The following GLDC variants were observed in gnomAD, a reference collection of about 807,000 sequenced individuals.
GLDC encodes glycine decarboxylase, also known as glycine dehydrogenase (decarboxylating), mitochondrial.
A neutral mutation model predicts 121.3 loss-of-function variants in GLDC; 104 were observed. The observed-to-expected ratio is 0.86, with a 90% CI of 0.73 to 1.01. The LOEUF (loss-of-function observed/expected upper bound fraction) is 1.01, where lower values mean the gene tolerates loss of function less well. Among genes scored for constraint, GLDC ranks in the 50% least tolerant of loss-of-function variants. GLDC has a pLI of 0.00. For synonymous variants in GLDC, 546 were observed against 480.6 expected, an observed-to-expected ratio of 1.14 and a Z score of -1.78; for missense variants, 1,429 against 1,306.6, an observed-to-expected ratio of 1.09 and a Z score of -1.44.
chr9:6,559,699 C>T (rs1221264121), intron 16 of GLDC, among the ~76,000 whole-genome samples: 1 of 151,428 alleles, frequency 6.6e-6, no homozygotes, highest in Non-Finnish European at 1.5e-5. Flanking sequence ...CCTGTAGTCC[C>T]AGCTACTCAG....
chr9:6,613,028 G>A (rs1397715242), intron 3 of GLDC, among the ~76,000 whole-genome samples: 1 of 152,090 alleles, frequency 6.6e-6, no homozygotes, highest in Admixed American at 6.5e-5. Flanking sequence ...AAAACAAGTA[G>A]ATGAACCAAA....
chr9:6,607,953 T>C (rs112425258), intron 4 of GLDC, among the ~76,000 whole-genome samples: 6 of 151,718 alleles, frequency 4.0e-5, no homozygotes, highest in African/African-American at 1.5e-4. Flanking sequence ...CAAAACCCTA[T>C]CTCTACAAAA....
At chr9:6,554,817 G>A in intron 18 of GLDC, 36 bp from the exon 19 acceptor site, 1 of 1,498,094 alleles carries the variant, frequency 6.7e-7, no homozygotes, top group Non-Finnish European at 9.2e-7. Flanking sequence ...CAAAAGTCAA[G>A]AGCTTGGAAG....
chr9:6,617,861 T>C (rs10123810), intron 3 of GLDC, among the ~76,000 whole-genome samples: 32,060 of 152,224 alleles, frequency 0.21, 3,750 homozygotes, highest in East Asian at 0.43. Flanking sequence ...TACTTGGGTA[T>C]TTCAAAAGCT....
At chr9:6,629,476 G>C (rs910785125) in intron 2 of GLDC, among the ~76,000 whole-genome samples, 3 of 151,952 alleles carry the variant, frequency 2.0e-5, no homozygotes, top group African/African-American at 7.3e-5. Context: ...CGGCCCCCAA[G>C]TAGCTGTTAA....
At chr9:6,538,246 A>G (rs1817178106) in intron 22 of GLDC, among the ~76,000 whole-genome samples, 1 of 152,164 alleles carries the variant, frequency 6.6e-6, no homozygotes, top group Non-Finnish European at 1.5e-5. Context: ...TTCTTGCAAA[A>G]GAAATTCCTG....
chr9:6,626,051 A>G (rs1413706337), intron 2 of GLDC, among the ~76,000 whole-genome samples: 1 of 151,690 alleles, frequency 6.6e-6, no homozygotes, highest in East Asian at 2.0e-4. Context: ...TTCAGCAAAA[A>G]TCTATGCTCT....
intron 20 of GLDC, among the ~76,000 whole-genome samples, chr9:6,551,384 T>C (rs751624629): frequency 2.0e-5 from 3 of 152,214 alleles, no homozygotes; most frequent in Non-Finnish European, 2.9e-5. Context: ...GTTTAAAAAC[T>C]GCTCAATCTT....
At position 6,567,684 on chromosome 9, in the gene GLDC, G is replaced by T. The variant is rs12003910; in HGVS notation, c.1851-2255C>A. Among the ~76,000 whole-genome samples the T allele has an allele frequency of 1.2e-3, 177 of 152,256 alleles. 3 individuals carry two copies. Among genetic ancestry groups the T allele is most frequent in the African/African-American group, 3.9e-3 (162 of 41,542 alleles). ...AAAAATATTTGATAGATTGATTAAA[G>T]AAATAATCCTCTACCTCCTCCAAAT... is the stretch of plus-strand genomic sequence containing the variant. On this transcript the variant is annotated intron_variant, in intron 15 of 24. Transcript: ENST00000321612.
chr9:6,631,049 CTG>C (rs1819365197), intron 2 of GLDC, among the ~76,000 whole-genome samples: 1 of 152,216 alleles, frequency 6.6e-6, no homozygotes, highest in African/African-American at 2.4e-5. Flanking sequence ...ACAGAGGAAA[CTG>C]AACCTAAAAC....
chr9:6,537,093 C>CA (rs1817143983), intron 22 of GLDC, among the ~76,000 whole-genome samples: 1 of 150,182 alleles, frequency 6.7e-6, no homozygotes, highest in African/African-American at 2.5e-5. Flanking sequence ...TGCACTGGCA[C>CA]ACTCACGGCT....
intron 7 of GLDC, among the ~76,000 whole-genome samples, chr9:6,604,195 G>A (rs1282911196): frequency 6.6e-6 from 1 of 152,098 alleles, no homozygotes; most frequent in South Asian, 2.1e-4. Flanking sequence ...GAAGGAACGC[G>A]GAGCAAACTC....
At chr9:6,634,408 A>C (rs1015675839) in intron 2 of GLDC, among the ~76,000 whole-genome samples, 7 of 152,026 alleles carry the variant, frequency 4.6e-5, no homozygotes, top group Non-Finnish European at 8.8e-5. Context: ...TCACGCCAGC[A>C]GTCCCAGCTA....
intron 23 of GLDC, among the ~76,000 whole-genome samples, chr9:6,535,336 G>A (rs942689907): frequency 1.3e-5 from 2 of 151,038 alleles, no homozygotes; most frequent in Admixed American, 6.7e-5. Context: ...AGTAATAAAC[G>A]GTGGTAAGCA....
Position 6,604,776 on chromosome 9 carries a change from G to A in GLDC, c.870C>T (p.Ala290=), listed in dbSNP as rs143159617. 88 of 1,613,584 alleles carry A rather than the reference G, an allele frequency of 5.5e-5. No individual in the cohort carries two copies. Among genetic ancestry groups the A allele is most frequent in the Non-Finnish European group, 6.8e-5 (80 of 1,179,582 alleles). Reference sequence around the variant, plus strand: ...AAGCTAAAAGGTCAGTAGCACAGCAGGCCAGGCTCTAGAAAGGAAGTGAGA... The same window carrying A: ...AAGCTAAAAGGTCAGTAGCACAGCAAGCCAGGCTCTAGAAAGGAAGTGAGA... ...VERAHQSGSL[A]CCATDLLALC... The change falls in exon 7 of 25, where the codon GCC becomes GCT. Residue 290 remains alanine (A), a synonymous_variant. Transcript: ENST00000321612.
chr9:6,543,893 G>C (rs546573253), intron 21 of GLDC, among the ~76,000 whole-genome samples: 13 of 142,188 alleles, frequency 9.1e-5, no homozygotes, highest in Non-Finnish European at 1.4e-4. Flanking sequence ...GAGGACAGGA[G>C]GGGGGGGGAT....
At chr9:6,608,012 G>T (rs1479596218) in intron 4 of GLDC, among the ~76,000 whole-genome samples, 1 of 151,936 alleles carries the variant, frequency 6.6e-6, no homozygotes, top group East Asian at 1.9e-4. Flanking sequence ...AGTCCCAGCT[G>T]CTTGGGGGGA....
intron 20 of GLDC, 50 bp downstream of exon 20, chr9:6,553,318 G>A (rs2129714286): frequency 3.2e-6 from 5 of 1,570,578 alleles, no homozygotes; most frequent in Non-Finnish European, 4.4e-6. Context: ...CCCCATGCAT[G>A]CCTGACGCCC....
chr9:6,534,754 G>A lies in GLDC; in HGVS notation c.2873C>T (p.Ser958Phe), dbSNP rs1327144941. ...TCTGGAATAAGGCCGGTCCCAGTGGGAAGATGTAACGCAGGTCAGGGAGTG... is the reference window on the plus strand; with the variant it reads ...TCTGGAATAAGGCCGGTCCCAGTGGAAAGATGTAACGCAGGTCAGGGAGTG... Reference protein sequence around the residue: ...SPHSLTCVTSSHWDRPYSREV... With the variant: ...SPHSLTCVTSFHWDRPYSREV... The change falls in exon 24 of 25, where the codon TCC becomes TTC. Residue 958 changes from serine to phenylalanine, a missense_variant. Ser to Phe is a radical substitution (Grantham distance 155). Coordinates refer to ENST00000321612, the MANE Select transcript of GLDC (RefSeq NM_000170.3). 1 of 1,608,144 alleles carries A rather than the reference G, an allele frequency of 6.2e-7. No individual in the cohort carries two copies. Among genetic ancestry groups the A allele is most frequent in the Non-Finnish European group, 8.5e-7 (1 of 1,174,588 alleles).
Sources: gnomAD v4.1 joint callset for allele counts (sites outside exome capture counted in the v4.1 genomes callset) on GRCh38, gnomAD v4.1.1 for gene constraint, MANE v1.5 for transcripts, NCBI Gene and HGNC (gene_info 2026-07-23, HGNC 2026-07-21) for gene names.